Variants in PDE11A observed in about 807,000 individuals in gnomAD.
The protein encoded by PDE11A is phosphodiesterase 11A.
PDE11A carries 100 observed loss-of-function variants against 100.5 expected under a neutral mutation model. The ratio of observed to expected loss-of-function variants is 1.00; its 90% CI spans 0.85 to 1.18. The LOEUF (loss-of-function observed/expected upper bound fraction) is 1.18. Among genes scored for constraint, PDE11A ranks in the 50% most tolerant of loss-of-function variants. PDE11A has a pLI of 0.00. For missense variants in PDE11A, 1,141 were observed against 1,152.6 expected (o/e 0.99, Z 0.15); for synonymous variants, 381 against 420.8 (o/e 0.91, Z 1.16).
At chr2:177,908,862 A>G (rs2084831876) in intron 2 of PDE11A, among the ~76,000 whole-genome samples, 1 of 152,204 alleles carries the variant, frequency 6.6e-6, no homozygotes, top group Non-Finnish European at 1.5e-5. Context: ...CTAGTTTTTA[A>G]TCTAAAAATT....
intron 2 of PDE11A, chr2:177,998,284 G>T (rs894103059): frequency 2.4e-6 from 2 of 826,398 alleles, no homozygotes; most frequent in African/African-American, 3.3e-5. Context: ...ACTTCATCTG[G>T]TAAAGTCTTA....
Position 177,980,811 on chromosome 2 carries a change from T to A in PDE11A, c.1071+33491A>T, listed in dbSNP as rs972047240. ...AAGAGTCAAGAGAATATTACCAACC[T>A]TTTATTGTCAGAGAAATGAAGAGTC... On this transcript the variant is annotated intron_variant, in intron 2 of 19. Transcript: ENST00000286063. 1.3e-4 allele frequency among the ~76,000 whole-genome samples: 19 copies of A among 150,708 alleles called. 2 individuals carry two copies. Among genetic ancestry groups the A allele is most frequent in the Non-Finnish European group, 2.4e-4 (16 of 67,248 alleles).
chr2:177,972,847 A>G (rs1251154227), intron 2 of PDE11A, among the ~76,000 whole-genome samples: 1 of 152,134 alleles, frequency 6.6e-6, no homozygotes, highest in East Asian at 1.9e-4. Context: ...GGACTAGGGT[A>G]GAGGTTGGTA....
At chr2:177,706,648 G>A (rs903468871) in intron 13 of PDE11A, among the ~76,000 whole-genome samples, 1 of 152,164 alleles carries the variant, frequency 6.6e-6, no homozygotes, top group Non-Finnish European at 1.5e-5. Flanking sequence ...TGTCCTAAGT[G>A]CAAAAATGAC....
chr2:177,726,372 G>A lies in PDE11A; in HGVS notation c.2043+1286C>T, dbSNP rs1377173107. Among the ~76,000 whole-genome samples the A allele has an allele frequency of 2.6e-5, 4 of 152,118 alleles. No homozygotes were observed. In the South Asian group the frequency reaches 8.3e-4, roughly 32 times the overall value. ...AAACCCACCAAGTACATGACAGAGT[G>A]CAGGGTGCTGGTGTGACCCTCAATA... On this transcript the variant is annotated intron_variant, in intron 12 of 19. Transcript: ENST00000286063.
intron 1 of PDE11A, among the ~76,000 whole-genome samples, chr2:178,041,310 CT>C (rs1169792787): frequency 6.6e-6 from 1 of 150,568 alleles, no homozygotes; most frequent in Non-Finnish European, 1.5e-5. Flanking sequence ...GTGGCACAGT[CT>C]CAGCTCACTG....
chr2:177,682,963 C>A (rs1269407497), intron 15 of PDE11A, among the ~76,000 whole-genome samples: 1 of 127,550 alleles, frequency 7.8e-6, no homozygotes, highest in Non-Finnish European at 1.7e-5. Flanking sequence ...ACCATCATGA[C>A]ATATAATTTA....
At chr2:177,676,826 G>A (rs951322490) in intron 16 of PDE11A, among the ~76,000 whole-genome samples, 11 of 152,150 alleles carry the variant, frequency 7.2e-5, no homozygotes, top group Admixed American at 2.0e-4. Flanking sequence ...TAAATGAATC[G>A]TCATCACCAC....
At chr2:177,875,774 A>G (rs1258219242) in intron 5 of PDE11A, 85 bp downstream of exon 5, 1 of 852,872 alleles carries the variant, frequency 1.2e-6, no homozygotes, top group East Asian at 2.5e-5. Context: ...ATAAAGAACT[A>G]CTACTATCTT....
chr2:177,638,919 A>G (rs1038941076), intron 19 of PDE11A, among the ~76,000 whole-genome samples: 5 of 152,200 alleles, frequency 3.3e-5, no homozygotes, highest in Non-Finnish European at 7.3e-5. Flanking sequence ...GTTTCCTCAC[A>G]TGGATATGAT....
intron 2 of PDE11A, among the ~76,000 whole-genome samples, chr2:178,096,169 C>CTTTTCTTTTTTTTTTT (rs763493838): frequency 5.0e-5 from 6 of 120,110 alleles, no homozygotes; most frequent in Non-Finnish European, 7.0e-5. Flanking sequence ...CTTTTCTTTT[C>CTTTTCTTTTTTTTTTT]TTTTTTTTTT....
intron 1 of PDE11A, among the ~76,000 whole-genome samples, chr2:178,056,660 A>G (rs2086902823): frequency 6.6e-6 from 1 of 152,212 alleles, no homozygotes; most frequent in Non-Finnish European, 1.5e-5. Context: ...CATATATCTG[A>G]TATTAAAATG....
intron 3 of PDE11A, 76 bp from the exon 4 acceptor site, chr2:177,898,274 C>T: frequency 1.1e-6 from 1 of 929,628 alleles, no homozygotes. Flanking sequence ...AAAATTTAAT[C>T]TTTGCTTCAA....
At chr2:177,840,534 T>A (rs986708690) in intron 5 of PDE11A, 151 bp from the exon 6 acceptor site, 13 of 708,048 alleles carry the variant, frequency 1.8e-5, no homozygotes, top group Non-Finnish European at 3.0e-5. Flanking sequence ...AAGGTAATTA[T>A]CAGTAGCTAC....
In PDE11A at chr2:178,102,341, G is replaced by A. The variant is rs563755311; in HGVS notation, c.162+1961C>T. 3.3e-5 allele frequency among the ~76,000 whole-genome samples: 5 copies of A among 151,470 alleles called. No individual in the cohort carries two copies. The East Asian group carries it at 9.7e-4, about 29-fold the overall frequency. On this transcript the variant is annotated intron_variant, in intron 2 of 20. Coordinates refer to the PDE11A transcript ENST00000358450. ...GGGGTTTCACTCTGTTGGCCAGGCT[G>A]GTCTTGAACTCCTGACCTCGTGATC...
chr2:178,081,392 T>C lies in PDE11A; in HGVS notation c.162+22910A>G, dbSNP rs536977281. On this transcript the variant is annotated intron_variant, in intron 2 of 20. Coordinates refer to the PDE11A transcript ENST00000358450. ...TCTTACCAGTTTATAAAAGAAAATA[T>C]AGAGAAAAAGAAAAAAATTGAGCAA... Among the ~76,000 whole-genome samples the C allele has an allele frequency of 2.6e-5, 4 of 152,252 alleles. No individual in the cohort carries two copies. The East Asian group carries it at 7.7e-4, about 29-fold the overall frequency.
At chr2:177,666,582 A>G (rs2080588017) in intron 18 of PDE11A, among the ~76,000 whole-genome samples, 1 of 152,128 alleles carries the variant, frequency 6.6e-6, no homozygotes, top group African/African-American at 2.4e-5. Flanking sequence ...CTTTTTTGCT[A>G]TAGCTATCTT....
intron 2 of PDE11A, among the ~76,000 whole-genome samples, chr2:178,011,064 G>A (rs2056715): frequency 0.056 from 8,455 of 152,226 alleles, 294 homozygotes; most frequent in South Asian, 0.093. Flanking sequence ...AACACTCAAA[G>A]GGGAGTGCAC....
intron 2 of PDE11A, among the ~76,000 whole-genome samples, chr2:177,938,373 A>G (rs931965036): frequency 1.3e-5 from 2 of 152,182 alleles, no homozygotes; most frequent in African/African-American, 4.8e-5. Context: ...CTGCTCTGCC[A>G]TGCCTACCAG....
Sources: allele counts gnomAD v4.1 joint callset (sites outside exome capture counted in the v4.1 genomes callset), GRCh38; gene constraint gnomAD v4.1.1; transcripts MANE v1.5; gene names NCBI Gene and HGNC (gene_info 2026-07-23, HGNC 2026-07-21).